Variants in SGCD observed in about 807,000 individuals in gnomAD.
SGCD encodes delta-sarcoglycan.
In SGCD, 18 loss-of-function variants were observed where a neutral mutation model predicts 36.6. That is an observed-to-expected ratio of 0.49 (90% CI 0.34 to 0.73). The LOEUF (loss-of-function observed/expected upper bound fraction) is 0.73. Ranked by LOEUF, SGCD falls within the 30% of genes least tolerant of loss-of-function variation. The pLI is 0.01. For synonymous variants in SGCD, 133 were observed against 130.6 expected, an observed-to-expected ratio of 1.02 and a Z score of -0.12; for missense variants, 387 against 346.7, an observed-to-expected ratio of 1.12 and a Z score of -0.92.
At chr5:155,859,053 G>GTTTTC in the SGCD span, among the ~76,000 whole-genome samples, 1 of 151,140 alleles carries the variant, frequency 6.6e-6, no homozygotes, top group African/African-American at 2.4e-5. Flanking sequence ...TTCATATCAG[G>GTTTTC]TTTTCTTTTC....
chr5:155,936,837 C>G (rs940322495), intron 1 of SGCD, among the ~76,000 whole-genome samples: 1 of 152,200 alleles, frequency 6.6e-6, no homozygotes, highest in Non-Finnish European at 1.5e-5. Context: ...CTGAGCTGCC[C>G]CCACTCACTC....
At chr5:155,795,633 T>G in the SGCD span, among the ~76,000 whole-genome samples, 1 of 152,176 alleles carries the variant, frequency 6.6e-6, no homozygotes, top group African/African-American at 2.4e-5. Context: ...TAAAATGGTG[T>G]ATATTAACAA....
chr5:156,398,704 G>T (rs924202254), intron 3 of SGCD, among the ~76,000 whole-genome samples: 2 of 152,040 alleles, frequency 1.3e-5, no homozygotes, highest in East Asian at 3.9e-4. Context: ...TACATGCCTG[G>T]CCCATAAAAT....
chr5:156,015,901 TTA>T (rs138594984), intron 1 of SGCD, among the ~76,000 whole-genome samples: 2,823 of 147,468 alleles, frequency 0.019, 42 homozygotes, highest in Middle Eastern at 0.046. Context: ...CACATATATT[TTA>T]TATATATATA....
chr5:156,354,456 C>G (rs965002641), intron 3 of SGCD, among the ~76,000 whole-genome samples: 1 of 152,128 alleles, frequency 6.6e-6, no homozygotes, highest in East Asian at 1.9e-4. Flanking sequence ...TTGGAGAGGT[C>G]AAACTGAAAA....
intron 4 of SGCD, among the ~76,000 whole-genome samples, chr5:156,586,227 T>C (rs868053215): frequency 6.6e-6 from 1 of 152,170 alleles, no homozygotes; most frequent in Non-Finnish European, 1.5e-5. Context: ...TGATAAGGTA[T>C]TTTGTAAAAT....
intron 3 of SGCD, among the ~76,000 whole-genome samples, chr5:156,279,520 A>G (rs1428681118): frequency 1.3e-5 from 2 of 152,216 alleles, no homozygotes; most frequent in African/African-American, 4.8e-5. Context: ...AACAAAGTAC[A>G]TGAATAGACA....
chr5:156,365,528 G>A (rs778103364), intron 3 of SGCD, among the ~76,000 whole-genome samples: 3 of 152,122 alleles, frequency 2.0e-5, no homozygotes, highest in Admixed American at 6.5e-5. Context: ...AAAGATGAGC[G>A]TTTTCTCTTC....
At chr5:156,096,291 G>C (rs879658058) in intron 1 of SGCD, among the ~76,000 whole-genome samples, 1 of 152,176 alleles carries the variant, frequency 6.6e-6, no homozygotes, top group Non-Finnish European at 1.5e-5. Context: ...CCAAATGCAG[G>C]TTCAGCTGCC....
intron 3 of SGCD, among the ~76,000 whole-genome samples, chr5:156,371,719 C>G (rs1770397811): frequency 6.6e-6 from 1 of 152,152 alleles, no homozygotes; most frequent in African/African-American, 2.4e-5. Flanking sequence ...TTTGAGTTGT[C>G]CATTAGACTT....
chr5:155,845,029 T>A, the SGCD span, among the ~76,000 whole-genome samples: 1 of 152,044 alleles, frequency 6.6e-6, no homozygotes, highest in Non-Finnish European at 1.5e-5. Context: ...CCTCCCCTAG[T>A]CCCCCATCCA....
intron 1 of SGCD, among the ~76,000 whole-genome samples, chr5:155,925,689 T>C (rs1756982127): frequency 6.6e-6 from 1 of 152,148 alleles, no homozygotes; most frequent in South Asian, 2.1e-4. Context: ...AATCACAGCT[T>C]ACTGCAGCCT....
chr5:155,781,660 G>A, the SGCD span, among the ~76,000 whole-genome samples: 1 of 151,982 alleles, frequency 6.6e-6, no homozygotes, highest in South Asian at 2.1e-4. Context: ...TTGTAGAGAC[G>A]GGGTTTTGCT....
At chr5:156,576,149 C>A (rs1759939407) in intron 4 of SGCD, among the ~76,000 whole-genome samples, 2 of 151,890 alleles carry the variant, frequency 1.3e-5, no homozygotes, top group Admixed American at 1.3e-4. Flanking sequence ...TGTTCATTTC[C>A]CACCTATGAG....
intron 3 of SGCD, among the ~76,000 whole-genome samples, chr5:156,496,112 C>T (rs1257437131): frequency 6.6e-6 from 1 of 152,192 alleles, no homozygotes; most frequent in East Asian, 1.9e-4. Context: ...AGTTGTTGTC[C>T]AGGTAGCATC....
At chr5:156,640,060 G>C (rs1488009130) in intron 6 of SGCD, among the ~76,000 whole-genome samples, 1 of 152,004 alleles carries the variant, frequency 6.6e-6, no homozygotes, top group Admixed American at 6.6e-5. Flanking sequence ...TCTGATGCTA[G>C]GCTAGCCCCT....
In SGCD at chr5:156,155,923, A is replaced by G. The variant is rs902282349; in HGVS notation, c.-44+31904A>G. ...GCACACCTCTGAGATAAGAGGAAAC[A>G]GAAGGTTGCAGGTACTGTTTTTGCT... is the stretch of plus-strand genomic sequence containing the variant. On this transcript the variant is annotated intron_variant, in intron 3 of 9. Transcript: ENST00000517913. Among the ~76,000 whole-genome samples the G allele has an allele frequency of 2.5e-4, 38 of 151,762 alleles. 1 individual carries two copies. The highest frequency in any genetic ancestry group is 6.8e-4 in the African/African-American group (28 of 41,030).
chr5:155,847,780 A>G, the SGCD span, among the ~76,000 whole-genome samples: 1 of 152,178 alleles, frequency 6.6e-6, no homozygotes, highest in Non-Finnish European at 1.5e-5. Context: ...CTCCAACTGT[A>G]CAAGCCATTT....
At chr5:155,865,268 T>A in the SGCD span, among the ~76,000 whole-genome samples, 1 of 134,742 alleles carries the variant, frequency 7.4e-6, no homozygotes, top group South Asian at 2.3e-4. Context: ...CTATAATTTA[T>A]ACATTTTTTT....
Sources: gnomAD v4.1 joint callset for allele counts (sites outside exome capture counted in the v4.1 genomes callset) on GRCh38, gnomAD v4.1.1 for gene constraint, MANE v1.5 for transcripts, NCBI Gene and HGNC (gene_info 2026-07-23, HGNC 2026-07-21) for gene names.